Variants in GNAO1 observed in about 807,000 individuals in gnomAD.
GNAO1 encodes the protein G protein subunit alpha o1, also known as guanine nucleotide-binding protein G(o) subunit alpha.
For synonymous variants in GNAO1, 164 were observed against 180.7 expected (o/e 0.91, Z 0.74); for missense variants, 166 against 478.7 (o/e 0.35, Z 6.10).
chr16:56,259,023 G>A (rs989163930), intron 2 of GNAO1, among the ~76,000 whole-genome samples: 4 of 152,200 alleles, frequency 2.6e-5, no homozygotes, highest in Non-Finnish European at 4.4e-5. Context: ...TTTAGATGGC[G>A]TATACATTCT....
At chr16:56,347,350 G>A in intron 6 of GNAO1, 1 of 985,542 alleles carries the variant, frequency 1.0e-6, no homozygotes, top group Non-Finnish European at 1.2e-6. Context: ...CTGCTGTCAG[G>A]CCGCAAGCCT....
Position 56,334,724 on chromosome 16 carries a change from C to T in GNAO1, c.465-5C>T. 2 of 1,613,892 alleles carry T rather than the reference C, an allele frequency of 1.2e-6. No homozygotes were observed. The highest frequency in any genetic ancestry group is 1.7e-6 in the Non-Finnish European group (2 of 1,179,966). ...CCATAGTCCCCTGTTTGTTGCCATC[C>T]TCAGCTACCTGGACAGCCTGGATCG... On this transcript the variant is annotated splice_polypyrimidine_tract_variant and splice_region_variant and intron_variant, in intron 4 of 8. Transcript: ENST00000262493.
intron 3 of GNAO1, among the ~76,000 whole-genome samples, chr16:56,323,403 T>C (rs1056238697): frequency 5.9e-5 from 9 of 152,188 alleles, no homozygotes; most frequent in African/African-American, 1.9e-4. Context: ...CTTCAGATAG[T>C]GTGGAGTCTG....
intron 6 of GNAO1, chr16:56,348,167 G>A (rs1308852723): frequency 1.6e-5 from 16 of 981,256 alleles, no homozygotes; most frequent in East Asian, 1.1e-4. Flanking sequence ...TTTATTAGTC[G>A]CCTACCGTTA....
chr16:56,204,337 T>A (rs964112383), intron 2 of GNAO1, among the ~76,000 whole-genome samples: 3 of 151,996 alleles, frequency 2.0e-5, no homozygotes, highest in Admixed American at 1.3e-4. Context: ...AGAAGAGAGA[T>A]CTGGGCTAGA....
intron 3 of GNAO1, among the ~76,000 whole-genome samples, chr16:56,295,041 T>A (rs1339644498): frequency 6.6e-6 from 1 of 152,236 alleles, no homozygotes; most frequent in Non-Finnish European, 1.5e-5. Context: ...TACTATTTCA[T>A]ATTTTCTCCC....
chr16:56,253,961 T>TA (rs1318157312), intron 2 of GNAO1, among the ~76,000 whole-genome samples: 8 of 152,240 alleles, frequency 5.3e-5, no homozygotes, highest in Admixed American at 1.3e-4. Context: ...TTTATAATGT[T>TA]AAATGTTCCC....
intron 6 of GNAO1, chr16:56,340,947 C>G (rs1438245267): frequency 6.2e-7 from 1 of 1,613,996 alleles, no homozygotes; most frequent in Non-Finnish European, 8.5e-7. Context: ...AAGAGAAGAT[C>G]AAGAAGTCCC....
chr16:56,227,764 C>T lies in GNAO1; in HGVS notation c.161+35148C>T, dbSNP rs147573914. On this transcript the variant is annotated intron_variant, in intron 2 of 8. Transcript: ENST00000262493. ...ATACTAAAGCAATCCCACCTCTTTC[C>T]CTGGCTTTATTGGTATTATTTTCCC... Among the ~76,000 whole-genome samples, 185 of 150,494 alleles carry T rather than the reference C, an allele frequency of 1.2e-3. No individual in the cohort carries two copies. The East Asian group carries it at 0.022, about 18-fold the overall frequency.
At chr16:56,323,584 T>C (rs1336542831) in intron 3 of GNAO1, among the ~76,000 whole-genome samples, 1 of 151,938 alleles carries the variant, frequency 6.6e-6, no homozygotes, top group African/African-American at 2.4e-5. Context: ...AAACAACCTT[T>C]CCTGAGGCCT....
At chr16:56,307,400 T>G (rs1338479517) in intron 3 of GNAO1, 2 of 152,216 alleles carry the variant, frequency 1.3e-5, no homozygotes, top group Non-Finnish European at 2.9e-5. Flanking sequence ...CTCCTTTTTG[T>G]GCACCATAGC....
intron 3 of GNAO1, among the ~76,000 whole-genome samples, chr16:56,319,783 C>T (rs1265296694): frequency 6.6e-6 from 1 of 152,132 alleles, no homozygotes; most frequent in Non-Finnish European, 1.5e-5. Flanking sequence ...TGGGGGGTAC[C>T]TGTACCATGC....
intron 2 of GNAO1, among the ~76,000 whole-genome samples, chr16:56,205,043 A>G (rs1396471955): frequency 6.6e-6 from 1 of 152,202 alleles, no homozygotes; most frequent in East Asian, 1.9e-4. Context: ...AAAAAAATTA[A>G]GCTTTCAGAA....
intron 2 of GNAO1, among the ~76,000 whole-genome samples, chr16:56,212,147 A>T (rs565623004): frequency 6.6e-6 from 1 of 152,280 alleles, no homozygotes; most frequent in Admixed American, 6.5e-5. Flanking sequence ...AAAAAATGTA[A>T]ATGTTCTTTT....
chr16:56,227,687 CAAAAAAAA>C (rs386384777), intron 2 of GNAO1, among the ~76,000 whole-genome samples: 5 of 61,954 alleles, frequency 8.1e-5, no homozygotes, highest in East Asian at 5.8e-4. Context: ...GACCCTGTCT[CAAAAAAAA>C]AAAAAAAAAA....
At chr16:56,296,717 G>A (rs1376720835) in intron 3 of GNAO1, among the ~76,000 whole-genome samples, 1 of 152,166 alleles carries the variant, frequency 6.6e-6, no homozygotes, top group Non-Finnish European at 1.5e-5. Flanking sequence ...GGATTGAAAA[G>A]CAACCCTTTG....
rs1243993397 is a variant in GNAO1, at chr16:56,192,268, C to T, written c.33C>T (p.Ala11=). 2 of 1,607,656 alleles carry T rather than the reference C, an allele frequency of 1.2e-6. No individual in the cohort carries two copies. Among genetic ancestry groups the T allele is most frequent in the African/African-American group, 1.3e-5 (1 of 74,828 alleles). The change falls in exon 1 of 9, where the codon GCC becomes GCT. Residue 11 remains alanine, a synonymous_variant. Transcript: ENST00000262493. ...GTACTCTGAGCGCAGAGGAGAGAGC[C>T]GCCCTCGAGCGGAGCAAGGCGATTG... The part of the protein sequence containing the change: MGCTLSAEER[A]ALERSKAIEK...
At chr16:56,349,148 C>G (rs2037899416) in intron 6 of GNAO1, among the ~76,000 whole-genome samples, 1 of 152,138 alleles carries the variant, frequency 6.6e-6, no homozygotes, top group African/African-American at 2.4e-5. Context: ...AACTGTGGAG[C>G]CTAAATGAGC....
rs556343726 is a variant in GNAO1 at position 56,197,799 on chromosome 16, A to G, written c.161+5183A>G. Among the ~76,000 whole-genome samples, 7 of 152,324 alleles carry G rather than the reference A, an allele frequency of 4.6e-5. No homozygotes were observed. The South Asian group carries it at 1.5e-3, about 32-fold the overall frequency. Reference sequence around the variant, plus strand: ...ATGCCACATCTGCTAAAGATAGGACAAGATCACTCATGTTTTTCAGCTGCT... The same window carrying G: ...ATGCCACATCTGCTAAAGATAGGACGAGATCACTCATGTTTTTCAGCTGCT... On this transcript the variant is annotated intron_variant, in intron 2 of 8. Transcript: ENST00000262493.
Sources: allele counts gnomAD v4.1 joint callset (sites outside exome capture counted in the v4.1 genomes callset), GRCh38; gene constraint gnomAD v4.1.1; transcripts MANE v1.5; gene names NCBI Gene and HGNC (gene_info 2026-07-23, HGNC 2026-07-21).